Variants in LUZP2 observed in about 807,000 individuals in gnomAD.
LUZP2 encodes leucine zipper protein 2.
Under a neutral mutation model 51.6 loss-of-function variants are expected in LUZP2, and 52 were observed. The ratio of observed to expected loss-of-function variants is 1.01; its 90% CI spans 0.81 to 1.27. The LOEUF (loss-of-function observed/expected upper bound fraction) is 1.27. LUZP2 is among the 50% of genes most tolerant of loss of function. The pLI is 0.00. For synonymous variants in LUZP2, 154 were observed against 137.3 expected, an observed-to-expected ratio of 1.12 and a Z score of -0.85; for missense variants, 436 against 395.4, an observed-to-expected ratio of 1.10 and a Z score of -0.87.
intron 5 of LUZP2, among the ~76,000 whole-genome samples, chr11:24,823,393 A>G (rs1850420998): frequency 6.6e-6 from 1 of 151,812 alleles, no homozygotes; most frequent in African/African-American, 2.4e-5. Context: ...AATTCAGAAA[A>G]AAAAAAAAAA....
chr11:25,006,104 CT>C (rs34660218), intron 9 of LUZP2, among the ~76,000 whole-genome samples: 71,914 of 151,858 alleles, frequency 0.47, 17,527 homozygotes, highest in Non-Finnish European at 0.51. Context: ...ATAGTCCCCC[CT>C]ATGATTGTGC....
chr11:24,679,217 A>T (rs1220252250), intron 1 of LUZP2, among the ~76,000 whole-genome samples: 1 of 152,154 alleles, frequency 6.6e-6, no homozygotes, highest in Non-Finnish European at 1.5e-5. Flanking sequence ...TCTGATCTTT[A>T]TTGCTTTATT....
intron 5 of LUZP2, among the ~76,000 whole-genome samples, chr11:24,876,927 C>A (rs1187549549): frequency 1.3e-5 from 2 of 152,110 alleles, no homozygotes; most frequent in Non-Finnish European, 2.9e-5. Context: ...GAGAAGGGGT[C>A]TGGTTCTTAA....
At chr11:25,029,749 A>AAAT (rs1241030627) in intron 9 of LUZP2, among the ~76,000 whole-genome samples, 1 of 151,272 alleles carries the variant, frequency 6.6e-6, no homozygotes, top group Non-Finnish European at 1.5e-5. Context: ...AAAAAAAAAA[A>AAAT]AAAGTATAAT....
At position 24,733,774 on chromosome 11, in the gene LUZP2, G is replaced by C. The variant is rs1354053268; in HGVS notation, c.251+1586G>C. ...AAATTTTAAAAAAACCATGAAAAGA[G>C]ACCAAGAGATGCTGAAAATGATTAC... On this transcript the variant is annotated intron_variant, in intron 3 of 11. Transcript: ENST00000336930. 2.6e-5 allele frequency among the ~76,000 whole-genome samples: 4 copies of C among 151,488 alleles called. 1 individual carries two copies. The South Asian group carries it at 8.3e-4, about 31-fold the overall frequency.
At chr11:24,520,271 G>A (rs1049188932) in intron 1 of LUZP2, among the ~76,000 whole-genome samples, 11 of 152,074 alleles carry the variant, frequency 7.2e-5, no homozygotes, top group Middle Eastern at 3.2e-3. Context: ...ACTCTAAAAC[G>A]CACTAGTGTA....
At chr11:24,528,977 T>C (rs1443029030) in intron 1 of LUZP2, among the ~76,000 whole-genome samples, 1 of 151,078 alleles carries the variant, frequency 6.6e-6, no homozygotes, top group Non-Finnish European at 1.5e-5. Context: ...AAATTAAGCT[T>C]CAAAACATCC....
Position 25,019,745 on chromosome 11 carries a change from T to A in LUZP2, c.766-30293T>A, listed in dbSNP as rs146202906. ...TGTTATTGAGCTTAAGATTTTATCA[T>A]GCACACTATTTAAACTGCCGTTATG... On this transcript the variant is annotated intron_variant, in intron 9 of 11. Transcript: ENST00000336930. Among the ~76,000 whole-genome samples the A allele has an allele frequency of 8.7e-4, 132 of 152,248 alleles. 1 individual carries two copies. In the East Asian group the frequency reaches 0.022, roughly 26 times the overall value.
intron 4 of LUZP2, among the ~76,000 whole-genome samples, chr11:24,760,411 G>A (rs926748104): frequency 6.6e-6 from 1 of 152,076 alleles, no homozygotes; most frequent in African/African-American, 2.4e-5. Context: ...GGTTACAGTG[G>A]TGATACCTTG....
At chr11:24,581,569 G>A (rs1852856037) in intron 1 of LUZP2, among the ~76,000 whole-genome samples, 1 of 151,876 alleles carries the variant, frequency 6.6e-6, no homozygotes, top group South Asian at 2.1e-4. Context: ...TACTCAGGAG[G>A]CTCAGGTGGG....
chr11:24,768,360 T>C (rs1860274730), intron 5 of LUZP2, among the ~76,000 whole-genome samples: 1 of 152,190 alleles, frequency 6.6e-6, no homozygotes, highest in South Asian at 2.1e-4. Context: ...TCCACCCGCC[T>C]TGGCCTCCCA....
intron 1 of LUZP2, among the ~76,000 whole-genome samples, chr11:24,681,716 A>ATATT (rs1285159812): frequency 2.0e-5 from 3 of 152,220 alleles, no homozygotes; most frequent in Non-Finnish European, 4.4e-5. Flanking sequence ...AATAGACTGG[A>ATATT]TATTTTCAAT....
chr11:24,918,725 C>T (rs1173291325), intron 7 of LUZP2, among the ~76,000 whole-genome samples: 1 of 151,044 alleles, frequency 6.6e-6, no homozygotes, highest in Non-Finnish European at 1.5e-5. Flanking sequence ...AAAATCCCGT[C>T]ACCAGAGCAA....
At chr11:24,637,827 A>C (rs914906670) in intron 1 of LUZP2, among the ~76,000 whole-genome samples, 1 of 151,858 alleles carries the variant, frequency 6.6e-6, no homozygotes, top group African/African-American at 2.4e-5. Context: ...CTCATCAATA[A>C]TTCTAATTTT....
chr11:24,698,880 AC>A (rs1376418802), intron 1 of LUZP2, among the ~76,000 whole-genome samples: 1 of 151,924 alleles, frequency 6.6e-6, no homozygotes, highest in East Asian at 1.9e-4. Context: ...ACAACTGGAG[AC>A]CCAGTCTCTA....
Position 24,566,811 on chromosome 11 carries a change from T to C in LUZP2, c.62+69506T>C, listed in dbSNP as rs1852244945. On this transcript the variant is annotated intron_variant, in intron 1 of 11. Transcript: ENST00000336930. ...TATAATGTATATATACATATTTATA[T>C]ATAACTTATATATACATATTTATAT... 3.5e-5 allele frequency among the ~76,000 whole-genome samples: 5 copies of C among 142,930 alleles called. No individual in the cohort carries two copies. The South Asian group carries it at 1.1e-3, about 31-fold the overall frequency. 93.8% of individuals were successfully genotyped at this position (142,930 alleles called of 152,430 possible). A position where few individuals can be genotyped will look rare whatever the true frequency, so the allele number is the denominator to read the frequency against.
intron 10 of LUZP2, among the ~76,000 whole-genome samples, chr11:25,063,566 C>T (rs1196561110): frequency 1.3e-5 from 2 of 151,760 alleles, no homozygotes; most frequent in Non-Finnish European, 3.0e-5. Context: ...AATAGTTTAT[C>T]ATTTTAATTC....
At chr11:24,513,475 A>G (rs1850372939) in intron 1 of LUZP2, among the ~76,000 whole-genome samples, 1 of 152,228 alleles carries the variant, frequency 6.6e-6, no homozygotes, top group South Asian at 2.1e-4. Context: ...CTATTTTCAG[A>G]TATTATGAAA....
intron 5 of LUZP2, among the ~76,000 whole-genome samples, chr11:24,861,124 T>G (rs138501969): frequency 2.5e-4 from 38 of 152,234 alleles, no homozygotes; most frequent in African/African-American, 9.1e-4. Context: ...CTGATGAATC[T>G]GAAAAACACA....
Sources: allele counts gnomAD v4.1 joint callset (sites outside exome capture counted in the v4.1 genomes callset), GRCh38; gene constraint gnomAD v4.1.1; transcripts MANE v1.5; gene names NCBI Gene and HGNC (gene_info 2026-07-23, HGNC 2026-07-21).